MUSK: variants seen among roughly 807,000 people sequenced by gnomAD.
MUSK encodes muscle, skeletal receptor tyrosine-protein kinase.
Under a neutral mutation model 88.7 loss-of-function variants are expected in MUSK, and 55 were observed. The ratio of observed to expected loss-of-function variants is 0.62; its 90% CI spans 0.50 to 0.78. The LOEUF is 0.78. Among genes scored for constraint, MUSK ranks in the 30% least tolerant of loss-of-function variants. The pLI, the probability that MUSK is intolerant of heterozygous loss-of-function variation, is 0.00. For synonymous variants in MUSK, 387 were observed against 391.9 expected (o/e 0.99, Z 0.15); for missense variants, 1,015 against 1,074.3 (o/e 0.94, Z 0.77).
intron 11 of MUSK, among the ~76,000 whole-genome samples, chr9:110,782,795 G>T (rs1273208578): frequency 6.6e-6 from 1 of 152,170 alleles, no homozygotes; most frequent in Non-Finnish European, 1.5e-5. Context: ...AGTCAGAGAG[G>T]AACCTGGTCA....
intron 2 of MUSK, among the ~76,000 whole-genome samples, chr9:110,684,024 G>T (rs192614122): frequency 6.6e-6 from 1 of 152,122 alleles, no homozygotes; most frequent in Admixed American, 6.6e-5. Flanking sequence ...GGTTGCCTAT[G>T]CCTGTGGGTA....
At position 110,802,012 on chromosome 9, in the gene MUSK, TAG is replaced by T. The variant is rs2078104205; in HGVS notation, c.*1027_*1028del. 6.6e-6 allele frequency among the ~76,000 whole-genome samples: 1 copy of T among 152,200 alleles called. No individual in the cohort carries two copies. The highest frequency in any genetic ancestry group is 6.5e-5 in the Admixed American group (1 of 15,278). On this transcript the variant is annotated 3_prime_UTR_variant, in exon 15 of 15. Transcript: ENST00000374448. ...CATTCTCACCTATTAATATTATTAC[TAG>T]AGTCTATTTAAATCTCTTAAACCAT... is the stretch of plus-strand genomic sequence containing the variant.
At chr9:110,727,799 G>C (rs914726500) in intron 5 of MUSK, 3 of 152,042 alleles carry the variant, frequency 2.0e-5, no homozygotes, top group Non-Finnish European at 4.4e-5. Flanking sequence ...GTGTATTATT[G>C]TCATTGAATG....
chr9:110,674,011 G>T (rs2075993708), intron 1 of MUSK, among the ~76,000 whole-genome samples: 1 of 151,928 alleles, frequency 6.6e-6, no homozygotes, highest in African/African-American at 2.4e-5. Context: ...AACGTCATGT[G>T]TGGTGACTAA....
chr9:110,799,236 T>G (rs2078056308), intron 14 of MUSK, among the ~76,000 whole-genome samples: 1 of 152,186 alleles, frequency 6.6e-6, no homozygotes, highest in African/African-American at 2.4e-5. Context: ...AAACAGATAC[T>G]TTTAACTTTT....
intron 5 of MUSK, among the ~76,000 whole-genome samples, chr9:110,724,512 T>C (rs2076857776): frequency 6.6e-6 from 1 of 151,986 alleles, no homozygotes. Context: ...ATAACACATG[T>C]TCTGACTACG....
intron 5 of MUSK, among the ~76,000 whole-genome samples, chr9:110,727,261 A>G (rs1173574716): frequency 6.6e-6 from 1 of 152,036 alleles, no homozygotes; most frequent in Non-Finnish European, 1.5e-5. Context: ...GTTAAGTGTA[A>G]ATATGAGACC....
Position 110,803,440 on chromosome 9 carries a change from A to G in MUSK, c.*2452A>G, listed in dbSNP as rs139242439. On this transcript the variant is annotated 3_prime_UTR_variant, in exon 15 of 15. Coordinates refer to ENST00000374448, the MANE Select transcript of MUSK (RefSeq NM_005592.4). ...GATTGTGCAACTGGCCCGAGTGCAC[A>G]CAGCAACAGAGCCTACTTTTTGACC... Among the ~76,000 whole-genome samples the G allele has an allele frequency of 3.6e-3, 545 of 152,330 alleles. 3 individuals carry two copies. The highest frequency in any genetic ancestry group is 0.013 in the African/African-American group (522 of 41,582).
intron 11 of MUSK, among the ~76,000 whole-genome samples, chr9:110,782,870 G>A (rs1359294752): frequency 6.6e-6 from 1 of 152,176 alleles, no homozygotes; most frequent in East Asian, 1.9e-4. Flanking sequence ...TTGCGCAGAT[G>A]TTTTATTGCT....
At chr9:110,717,703 T>A (rs185529784) in intron 5 of MUSK, among the ~76,000 whole-genome samples, 1 of 150,116 alleles carries the variant, frequency 6.7e-6, no homozygotes, top group East Asian at 1.9e-4. Flanking sequence ...TTTACCCTGA[T>A]CATTCAGGTG....
At position 110,785,517 on chromosome 9, in the gene MUSK, T is replaced by C. The variant is rs2077840433; in HGVS notation, c.1587-10T>C. 6.3e-7 allele frequency: 1 copy of C among 1,588,600 alleles called. No homozygotes were observed. Among genetic ancestry groups the C allele is most frequent in the African/African-American group, 1.3e-5 (1 of 74,530 alleles). ...GAGCTCATTCCTGATCTTGCCTGTC[T>C]TGCCTGCAGAGAATCAGCAGCAGTA... On this transcript the variant is annotated splice_polypyrimidine_tract_variant and intron_variant, in intron 12 of 14. Coordinates refer to ENST00000374448, the MANE Select transcript of MUSK (RefSeq NM_005592.4).
chr9:110,728,538 T>G, intron 5 of MUSK: 1 of 645,150 alleles, frequency 1.6e-6, no homozygotes, highest in Non-Finnish European at 2.7e-6. Context: ...TGATTGCATT[T>G]GTTTCTTATT....
At chr9:110,716,317 A>G (rs1413220273) in intron 5 of MUSK, among the ~76,000 whole-genome samples, 1 of 149,928 alleles carries the variant, frequency 6.7e-6, no homozygotes, top group African/African-American at 2.5e-5. Flanking sequence ...TCTCTTTTTG[A>G]TACACACTTC....
intron 11 of MUSK, among the ~76,000 whole-genome samples, chr9:110,781,459 G>C (rs1420449343): frequency 6.6e-6 from 1 of 152,054 alleles, no homozygotes; most frequent in South Asian, 2.1e-4. Context: ...TGTATTTTTA[G>C]TAGAGATGGG....
chr9:110,699,964 A>G (rs1226714678), intron 5 of MUSK, among the ~76,000 whole-genome samples: 1 of 152,212 alleles, frequency 6.6e-6, no homozygotes, highest in Non-Finnish European at 1.5e-5. Flanking sequence ...CTTTGTTGTT[A>G]CAACTGTGAA....
chr9:110,683,708 T>C (rs1380736501), intron 2 of MUSK, among the ~76,000 whole-genome samples: 2 of 152,172 alleles, frequency 1.3e-5, no homozygotes, highest in South Asian at 2.1e-4. Flanking sequence ...TATTGTAGTT[T>C]TTATTTGCAT....
At chr9:110,757,065 C>T (rs959039341) in intron 7 of MUSK, among the ~76,000 whole-genome samples, 1 of 152,124 alleles carries the variant, frequency 6.6e-6, no homozygotes, top group African/African-American at 2.4e-5. Context: ...TAGACTAATT[C>T]ACCCAAAATC....
At chr9:110,782,993 A>G (rs1414658012) in intron 11 of MUSK, among the ~76,000 whole-genome samples, 1 of 152,142 alleles carries the variant, frequency 6.6e-6, no homozygotes, top group Non-Finnish European at 1.5e-5. Context: ...GGGCATAATC[A>G]CTGGGTCCAC....
chr9:110,790,647 G>C (rs1045129180), intron 14 of MUSK, among the ~76,000 whole-genome samples: 1 of 152,120 alleles, frequency 6.6e-6, no homozygotes, highest in African/African-American at 2.4e-5. Flanking sequence ...TTCTCTGTGA[G>C]GTAGGAATCA....
Sources: gnomAD v4.1 joint callset for allele counts (sites outside exome capture counted in the v4.1 genomes callset) on GRCh38, gnomAD v4.1.1 for gene constraint, MANE v1.5 for transcripts, NCBI Gene and HGNC (gene_info 2026-07-23, HGNC 2026-07-21) for gene names.